Variants in MKLN1 observed in about 807,000 individuals in gnomAD.
MKLN1 encodes muskelin 1.
A neutral mutation model predicts 99.0 loss-of-function variants in MKLN1; 18 were observed. The ratio of observed to expected loss-of-function variants is 0.18; its 90% confidence interval spans 0.13 to 0.27. The LOEUF (loss-of-function observed/expected upper bound fraction) is 0.27. Among genes scored for constraint, MKLN1 ranks in the 10% least tolerant of loss-of-function variants. MKLN1 has a pLI of 1.00. For missense variants in MKLN1, 621 were observed against 875.9 expected (o/e 0.71, Z 3.67); for synonymous variants, 288 against 293.2 (o/e 0.98, Z 0.18).
intron 3 of MKLN1, among the ~76,000 whole-genome samples, chr7:131,225,475 C>T (rs776319139): frequency 2.0e-5 from 3 of 152,124 alleles, no homozygotes; most frequent in Non-Finnish European, 2.9e-5. Flanking sequence ...GTCCCAGCCA[C>T]CTCATATTTT....
chr7:131,416,485 T>C (rs1795017201), intron 8 of MKLN1, among the ~76,000 whole-genome samples: 1 of 151,426 alleles, frequency 6.6e-6, no homozygotes, highest in African/African-American at 2.4e-5. Flanking sequence ...AGCCTTGAAA[T>C]ACTTACAATA....
chr7:131,468,490 T>C (rs1796720878), intron 15 of MKLN1, among the ~76,000 whole-genome samples: 1 of 152,206 alleles, frequency 6.6e-6, no homozygotes. Context: ...AAAATAAATA[T>C]TCTGTTTAGT....
intron 3 of MKLN1, among the ~76,000 whole-genome samples, chr7:131,243,630 G>A (rs564055626): frequency 1.6e-4 from 24 of 152,306 alleles, no homozygotes; most frequent in African/African-American, 5.3e-4. Context: ...AGCTGGCCAA[G>A]GCTAAGATGA....
At chr7:131,148,596 G>A (rs1248433207) in intron 2 of MKLN1, among the ~76,000 whole-genome samples, 5 of 151,958 alleles carry the variant, frequency 3.3e-5, no homozygotes, top group Admixed American at 6.6e-5. Flanking sequence ...GCAACATAGC[G>A]AGACCCTGTC....
At chr7:131,407,317 GC>G (rs1267521807) in intron 6 of MKLN1, among the ~76,000 whole-genome samples, 1 of 151,814 alleles carries the variant, frequency 6.6e-6, no homozygotes. Flanking sequence ...AGAGAGAGTT[GC>G]TTTTTTTTAT....
At chr7:131,284,582 C>T (rs975651397) in intron 3 of MKLN1, among the ~76,000 whole-genome samples, 14 of 152,126 alleles carry the variant, frequency 9.2e-5, no homozygotes, top group African/African-American at 3.4e-4. Context: ...AATAAAAAAG[C>T]GGTCTGTGAT....
chr7:131,249,123 G>A (rs1797539343), intron 3 of MKLN1, among the ~76,000 whole-genome samples: 3 of 152,114 alleles, frequency 2.0e-5, no homozygotes, highest in African/African-American at 7.2e-5. Flanking sequence ...AGTGAGAAAG[G>A]AATCTTCCCT....
At chr7:131,377,194 G>T (rs1296279692) in intron 2 of MKLN1, among the ~76,000 whole-genome samples, 2 of 152,148 alleles carry the variant, frequency 1.3e-5, no homozygotes, top group African/African-American at 4.8e-5. Context: ...ACATACCTTG[G>T]AGTAGAATTG....
intron 1 of MKLN1, among the ~76,000 whole-genome samples, chr7:131,128,982 A>G (rs926575773): frequency 6.6e-6 from 1 of 151,320 alleles, no homozygotes; most frequent in Admixed American, 6.6e-5. Context: ...GTATATGACA[A>G]GCGGTAGTGT....
At chr7:131,286,170 G>A (rs1446964008) in intron 3 of MKLN1, among the ~76,000 whole-genome samples, 7 of 152,178 alleles carry the variant, frequency 4.6e-5, no homozygotes, top group East Asian at 1.9e-4. Context: ...GGCTGGTCTC[G>A]AACTCCTGAT....
At chr7:131,206,354 C>G (rs1796809705) in intron 3 of MKLN1, among the ~76,000 whole-genome samples, 1 of 152,006 alleles carries the variant, frequency 6.6e-6, no homozygotes, top group Admixed American at 6.6e-5. Flanking sequence ...GAATCTTGGG[C>G]AGCAATCTTA....
intron 8 of MKLN1, among the ~76,000 whole-genome samples, chr7:131,415,149 T>C (rs1794981996): frequency 6.6e-6 from 1 of 151,766 alleles, no homozygotes; most frequent in African/African-American, 2.4e-5. Context: ...AATTTTGTTC[T>C]GAAGCTTGGT....
rs894089660 is a variant in MKLN1, at chr7:131,492,107, T to C, written c.*4379T>C. 4.6e-5 allele frequency: 7 copies of C among 152,238 alleles called. No individual in the cohort carries two copies. Among genetic ancestry groups the C allele is most frequent in the African/African-American group, 1.7e-4 (7 of 41,460 alleles). 9.4% of individuals were successfully genotyped at this position (152,238 alleles called of 1,614,324 possible). On this transcript the variant is annotated 3_prime_UTR_variant, in exon 18 of 18. Transcript: ENST00000352689. Reference sequence around the variant, plus strand: ...TGGAGAAACCTGTGTTGGCCTCTTTTTCTGGCATTAGGATCTCTTGTCATA... The same window carrying C: ...TGGAGAAACCTGTGTTGGCCTCTTTCTCTGGCATTAGGATCTCTTGTCATA...
intron 1 of MKLN1, among the ~76,000 whole-genome samples, chr7:131,356,864 G>A (rs1320798892): frequency 3.3e-5 from 5 of 152,156 alleles, no homozygotes; most frequent in Non-Finnish European, 7.3e-5. Context: ...CTCCTCAGGA[G>A]AATTCGAATG....
intron 15 of MKLN1, 96 bp downstream of exon 15, chr7:131,466,511 T>A: frequency 1.1e-6 from 1 of 880,484 alleles, no homozygotes; most frequent in Non-Finnish European, 1.5e-6. Flanking sequence ...ACTATGAAGA[T>A]CATGAATTTT....
chr7:131,418,546 C>T (rs1356538144), intron 8 of MKLN1, among the ~76,000 whole-genome samples: 1 of 152,118 alleles, frequency 6.6e-6, no homozygotes, highest in Non-Finnish European at 1.5e-5. Flanking sequence ...AGTAAGTTTA[C>T]AAATTTGTCT....
In MKLN1 at chr7:131,437,982, G is replaced by A. The variant is rs1382323111; in HGVS notation, c.1158G>A (p.Leu386=). Reference sequence around the variant, plus strand: ...CTGCTGCTGATGGAGGGCCGAAATTGGTGTTTGATCATCAGGTTTGATGCA... The same window carrying A: ...CTGCTGCTGATGGAGGGCCGAAATTAGTGTTTGATCATCAGGTTTGATGCA... The part of the protein sequence containing the change: ...EDTAADGGPK[L]VFDHQMCMDS... The change falls in exon 10 of 18, where the codon TTG becomes TTA. Residue 386 remains leucine (L), a synonymous_variant. Transcript: ENST00000352689. The A allele has an allele frequency of 6.2e-7, 1 of 1,613,074 alleles. No individual in the cohort carries two copies. The highest frequency in any genetic ancestry group is 8.5e-7 in the Non-Finnish European group (1 of 1,179,182).
intron 3 of MKLN1, among the ~76,000 whole-genome samples, chr7:131,206,151 C>T (rs757345580): frequency 6.6e-6 from 1 of 152,176 alleles, no homozygotes; most frequent in Admixed American, 6.5e-5. Flanking sequence ...CCTCAGCCTC[C>T]CAAAGTGCTG....
chr7:131,485,857 G>A (rs1310947684), intron 17 of MKLN1, among the ~76,000 whole-genome samples: 2 of 152,038 alleles, frequency 1.3e-5, no homozygotes, highest in African/African-American at 4.8e-5. Context: ...TGCAGTGTGT[G>A]ATCTTGGATT....
Sources: gnomAD v4.1 joint callset for allele counts (sites outside exome capture counted in the v4.1 genomes callset) on GRCh38, gnomAD v4.1.1 for gene constraint, MANE v1.5 for transcripts, NCBI Gene and HGNC (gene_info 2026-07-23, HGNC 2026-07-21) for gene names.